Variants in BTBD9 observed in about 807,000 individuals in gnomAD.
The protein encoded by BTBD9 is BTB domain containing 9.
In BTBD9, 49 loss-of-function variants were observed where a neutral mutation model predicts 64.3. The observed-to-expected ratio is 0.76, with a 90% CI of 0.61 to 0.97. The LOEUF (loss-of-function observed/expected upper bound fraction) is 0.97. Among genes scored for constraint, BTBD9 ranks in the 50% least tolerant of loss-of-function variants. The pLI, the probability that BTBD9 is intolerant of heterozygous loss-of-function variation, is 0.00. For missense variants in BTBD9, 598 were observed against 762.1 expected (o/e 0.78, Z 2.53); for synonymous variants, 260 against 274.7 (o/e 0.95, Z 0.53).
chr6:38,476,682 T>C (rs1770897038), intron 6 of BTBD9, among the ~76,000 whole-genome samples: 1 of 152,374 alleles, frequency 6.6e-6, no homozygotes, highest in East Asian at 1.9e-4. Flanking sequence ...TCTATTTTAC[T>C]GTTGTGAACT....
intron 6 of BTBD9, among the ~76,000 whole-genome samples, chr6:38,418,831 TGTGCACA>T (rs1270010252): frequency 6.6e-6 from 1 of 152,178 alleles, no homozygotes; most frequent in Non-Finnish European, 1.5e-5. Context: ...GAATAGCAAC[TGTGCACA>T]GTGGCGCGTG....
At chr6:38,426,665 T>A (rs570810907) in intron 6 of BTBD9, among the ~76,000 whole-genome samples, 2 of 152,056 alleles carry the variant, frequency 1.3e-5, no homozygotes, top group African/African-American at 4.8e-5. Flanking sequence ...CCATTGTTCC[T>A]GCATGGCTAA....
intron 4 of BTBD9, among the ~76,000 whole-genome samples, 152 bp downstream of exon 4, chr6:38,592,419 AAAATG>A (rs2127491076): frequency 6.6e-6 from 1 of 152,316 alleles, no homozygotes; most frequent in South Asian, 2.1e-4. Flanking sequence ...AATTAACAGG[AAAATG>A]AAAGGGAAAG....
chr6:38,175,232 C>A (rs750185462), intron 10 of BTBD9, 50 bp from the exon 11 acceptor site: 3 of 1,590,278 alleles, frequency 1.9e-6, no homozygotes, highest in Non-Finnish European at 2.6e-6. Flanking sequence ...AGCATGCGGC[C>A]CTGGAGTTGC....
intron 6 of BTBD9, among the ~76,000 whole-genome samples, chr6:38,561,312 G>A (rs546823645): frequency 6.5e-4 from 95 of 146,042 alleles, no homozygotes; most frequent in African/African-American, 2.2e-3. Flanking sequence ...ATGCTGGAGA[G>A]GCTGCGGAAA....
At chr6:38,396,906 T>C (rs867371018) in intron 6 of BTBD9, among the ~76,000 whole-genome samples, 1,935 of 143,692 alleles carry the variant, frequency 0.013, 35 homozygotes, top group African/African-American at 0.044. Flanking sequence ...TCTTTTTTTT[T>C]TTTTTTTTTT....
chr6:38,205,238 T>C (rs534845965), intron 9 of BTBD9, among the ~76,000 whole-genome samples: 1 of 152,250 alleles, frequency 6.6e-6, no homozygotes, highest in East Asian at 1.9e-4. Context: ...TCCTACTAAG[T>C]AGCCATTACA....
intron 7 of BTBD9, among the ~76,000 whole-genome samples, chr6:38,334,742 C>T (rs956068056): frequency 1.3e-5 from 2 of 152,098 alleles, no homozygotes; most frequent in African/African-American, 2.4e-5. Context: ...TATATGTATC[C>T]ATCCTTATAA....
intron 6 of BTBD9, among the ~76,000 whole-genome samples, chr6:38,390,676 C>T (rs1308881021): frequency 3.9e-5 from 6 of 152,204 alleles, no homozygotes; most frequent in Non-Finnish European, 5.9e-5. Flanking sequence ...GGAACATGCA[C>T]AGTATCACCT....
intron 6 of BTBD9, among the ~76,000 whole-genome samples, chr6:38,507,278 A>G (rs1478314827): frequency 6.6e-6 from 1 of 152,204 alleles, no homozygotes. Flanking sequence ...ACTGGGATCT[A>G]TTCTCAGCAT....
chr6:38,564,191 C>T (rs1381940728), intron 6 of BTBD9, among the ~76,000 whole-genome samples: 1 of 152,178 alleles, frequency 6.6e-6, no homozygotes, highest in Non-Finnish European at 1.5e-5. Flanking sequence ...TTACTGTCCA[C>T]TTGTGCTTTT....
At chr6:38,217,793 T>C (rs72849820) in intron 9 of BTBD9, among the ~76,000 whole-genome samples, 19,765 of 151,950 alleles carry the variant, frequency 0.13, 1,351 homozygotes, top group African/African-American at 0.15. Flanking sequence ...ACTTGATCAC[T>C]TGAGTCTCTG....
At chr6:38,252,898 G>A (rs1764449334) in intron 9 of BTBD9, among the ~76,000 whole-genome samples, 1 of 152,154 alleles carries the variant, frequency 6.6e-6, no homozygotes, top group South Asian at 2.1e-4. Context: ...CCTGAGGTCA[G>A]GAGTTCAAGA....
intron 1 of BTBD9, among the ~76,000 whole-genome samples, chr6:38,631,264 A>G (rs1778351228): frequency 6.6e-6 from 1 of 152,246 alleles, no homozygotes; most frequent in African/African-American, 2.4e-5. Context: ...ATGAATATAC[A>G]AGTCAGAAAA....
intron 7 of BTBD9, among the ~76,000 whole-genome samples, chr6:38,317,751 C>G (rs1763076348): frequency 1.3e-5 from 2 of 152,050 alleles, no homozygotes; most frequent in South Asian, 4.1e-4. Context: ...TCAGGCTTTT[C>G]TTTTTTCTGC....
intron 9 of BTBD9, among the ~76,000 whole-genome samples, chr6:38,254,634 C>A (rs1561931783): frequency 6.6e-6 from 1 of 152,060 alleles, no homozygotes; most frequent in Non-Finnish European, 1.5e-5. Flanking sequence ...GAGACCCTGC[C>A]CCCACCCCAA....
At chr6:38,291,222 T>C (rs1246277830) in intron 7 of BTBD9, among the ~76,000 whole-genome samples, 2 of 152,210 alleles carry the variant, frequency 1.3e-5, no homozygotes, top group African/African-American at 2.4e-5. Context: ...CCCTTGTCAG[T>C]TGGATTCCTA....
intron 7 of BTBD9, among the ~76,000 whole-genome samples, chr6:38,325,761 A>G (rs1763402680): frequency 6.6e-6 from 1 of 152,228 alleles, no homozygotes. Context: ...CATTTTAGAA[A>G]TTAAGGCTCA....
chr6:38,448,524 C>CT (rs1471846330), intron 6 of BTBD9, among the ~76,000 whole-genome samples: 2 of 152,118 alleles, frequency 1.3e-5, no homozygotes, highest in African/African-American at 4.8e-5. Context: ...TCATCCCTCT[C>CT]TTTTTTTGAG....
Sources: allele counts gnomAD v4.1 joint callset (sites outside exome capture counted in the v4.1 genomes callset), GRCh38; gene constraint gnomAD v4.1.1; transcripts MANE v1.5; gene names NCBI Gene and HGNC (gene_info 2026-07-23, HGNC 2026-07-21).